Variants in PIP4P1 observed in about 807,000 individuals in gnomAD.
PIP4P1 encodes the protein phosphatidylinositol-4,5-bisphosphate 4-phosphatase 1.
A neutral mutation model predicts 32.3 loss-of-function variants in PIP4P1; 14 were observed. The observed-to-expected ratio is 0.43, with a 90% CI of 0.29 to 0.68. The LOEUF is 0.68. PIP4P1 is among the 30% of genes least tolerant of loss of function. PIP4P1 has a pLI of 0.15. For synonymous variants in PIP4P1, 132 were observed against 137.9 expected (o/e 0.96, Z 0.30); for missense variants, 289 against 364.5 (o/e 0.79, Z 1.69).
At chr14:20,460,102 C>G in intron 3 of PIP4P1, 90 bp downstream of exon 3, 1 of 957,932 alleles carries the variant, frequency 1.0e-6, no homozygotes, top group Non-Finnish European at 1.7e-6. Flanking sequence ...AAACACTAGG[C>G]TCTCTCACCT....
At chr14:20,458,863 G>A (rs1594418106) in intron 6 of PIP4P1, 161 bp from the exon 7 acceptor site, 1 of 858,092 alleles carries the variant, frequency 1.2e-6, no homozygotes, top group East Asian at 2.7e-5. Flanking sequence ...GAGCTGATCA[G>A]CTTCCTTCCC....
chr14:20,461,007 G>C, intron 1 of PIP4P1, 162 bp from the exon 2 acceptor site: 1 of 1,245,564 alleles, frequency 8.0e-7, no homozygotes, highest in Non-Finnish European at 1.0e-6. Context: ...TCCGTCCCTA[G>C]GCTGTGGTCG....
At chr14:20,458,787 TA>T in intron 6 of PIP4P1, 85 bp from the exon 7 acceptor site, 1 of 1,503,392 alleles carries the variant, frequency 6.7e-7, no homozygotes, top group East Asian at 2.3e-5. Context: ...AGAACAGTAA[TA>T]ACTCACGCTT....
At position 20,459,737 on chromosome 14, in the gene PIP4P1, T is replaced by C. The variant is rs370486224; in HGVS notation, c.441-4A>G. ...CCCCAGGTTGATGATTCTTTTGCTA[T>C]ACAAAAGAAAAAGACTTGTATTTTC... On this transcript the variant is annotated splice_polypyrimidine_tract_variant and splice_region_variant and intron_variant, in intron 3 of 6. Transcript: ENST00000250489. 2.4e-5 allele frequency: 38 copies of C among 1,607,800 alleles called. No homozygotes were observed. The highest frequency in any genetic ancestry group is 2.9e-5 in the Non-Finnish European group (34 of 1,177,482).
In PIP4P1 at chr14:20,457,862, G is replaced by T; in HGVS notation, c.*697C>A. On this transcript the variant is annotated 3_prime_UTR_variant, in exon 7 of 7. Coordinates refer to ENST00000250489, the MANE Select transcript of PIP4P1 (RefSeq NM_144568.4). ...AAGTTAACAACTGAAAAAGCGTAGA[G>T]TCATGACCTTATTTATTTACAAGCA... The T allele has an allele frequency of 2.7e-6, 1 of 370,052 alleles. No homozygotes were observed. Among genetic ancestry groups the T allele is most frequent in the Non-Finnish European group, 5.1e-6 (1 of 194,518 alleles). The allele number at this position is 370,052 out of a possible 1,614,324, so 22.9% of individuals were successfully genotyped here.
Position 20,461,177 on chromosome 14 carries a change from T to C in PIP4P1, c.142+7A>G, listed in dbSNP as rs779811266. 3.3e-5 allele frequency: 41 copies of C among 1,261,432 alleles called. No homozygotes were observed. Among genetic ancestry groups the C allele is most frequent in the African/African-American group, 3.1e-5 (2 of 64,452 alleles). The allele number at this position is 1,261,432 out of a possible 1,614,324, so 78.1% of individuals were successfully genotyped here. A position where few individuals can be genotyped will look rare whatever the true frequency, so the allele number is the denominator to read the frequency against. ...CCCCGGCTTACCCTGGGGCGGGGCA[T>C]GTTTACCGGCTCCGTACGGTGGTGC... is the stretch of plus-strand genomic sequence containing the variant. On this transcript the variant is annotated splice_region_variant and intron_variant, in intron 1 of 6. Transcript: ENST00000250489.
At position 20,460,858 on chromosome 14, in the gene PIP4P1, C is replaced by T. The variant is rs771803476; in HGVS notation, c.143-13G>A. 4 of 1,537,806 alleles carry T rather than the reference C, an allele frequency of 2.6e-6. No individual in the cohort carries two copies. In the Admixed American group the frequency reaches 6.3e-5, roughly 24 times the overall value. On this transcript the variant is annotated splice_polypyrimidine_tract_variant and intron_variant, in intron 1 of 6. Coordinates refer to ENST00000250489, the MANE Select transcript of PIP4P1 (RefSeq NM_144568.4). The stretch of plus-strand genomic sequence containing the variant: ...AACGGGGGAAATGCTGGAGAGGAAG[C>T]AAATAGAAGGGCTGGGATCACTTAC...
Position 20,457,750 on chromosome 14 carries a change from TA to T in PIP4P1, c.*808del. ...TTTGTTTGAATTATCCACATGAAAATAAAGAGCCATAGTTTCAGCCTTGCTG... is the reference window on the plus strand; with the variant it reads ...TTTGTTTGAATTATCCACATGAAAATAAGAGCCATAGTTTCAGCCTTGCTG... On this transcript the variant is annotated 3_prime_UTR_variant, in exon 7 of 7. Coordinates refer to ENST00000250489, the MANE Select transcript of PIP4P1 (RefSeq NM_144568.4). 1 of 569,662 alleles carries T rather than the reference TA, an allele frequency of 1.8e-6. No homozygotes were observed. The highest frequency in any genetic ancestry group is 3.1e-6 in the Non-Finnish European group (1 of 325,268). The allele number at this position is 569,662 out of a possible 1,614,324, so 35.3% of individuals were successfully genotyped here.
chr14:20,459,757 A>C, intron 3 of PIP4P1, 24 bp from the exon 4 acceptor site: 1 of 1,599,230 alleles, frequency 6.3e-7, no homozygotes. Flanking sequence ...AAAGACTTGT[A>C]TTTTCAAACT....
chr14:20,461,432 C>T lies in PIP4P1; in HGVS notation c.-107G>A, dbSNP rs985068529. The T allele has an allele frequency of 2.4e-5, 28 of 1,146,142 alleles. No individual in the cohort carries two copies. The Admixed American group carries it at 9.0e-4, about 37-fold the overall frequency. 71.0% of individuals were successfully genotyped at this position (1,146,142 alleles called of 1,614,324 possible). On this transcript the variant is annotated 5_prime_UTR_variant, in exon 1 of 7. Transcript: ENST00000250489. ...CCACCGCCACCGCCGCTACCGGGTC[C>T]CCAGGGCGCCTGCGCGCCGCGCGCC...
At position 20,458,030 on chromosome 14, in the gene PIP4P1, T is replaced by C. The variant is rs1566516332; in HGVS notation, c.*529A>G. ...GGGAACATATCCCACATTAAATAGT[T>C]ATATACACATCAGTTCCTGTGGTTC... On this transcript the variant is annotated 3_prime_UTR_variant, in exon 7 of 7. Transcript: ENST00000250489. 3.0e-6 allele frequency: 1 copy of C among 334,576 alleles called. No individual in the cohort carries two copies. Among genetic ancestry groups the C allele is most frequent in the Non-Finnish European group, 5.8e-6 (1 of 171,322 alleles). 20.7% of individuals were successfully genotyped at this position (334,576 alleles called of 1,614,324 possible).
In PIP4P1 at chr14:20,461,341, C is replaced by T; in HGVS notation, c.-16G>A. ...CTGCCGCCATGGCCGCCACCGCCGCCTCCCGCTCAGGTCGGCGATCCGGCT... is the reference window on the plus strand; with the variant it reads ...CTGCCGCCATGGCCGCCACCGCCGCTTCCCGCTCAGGTCGGCGATCCGGCT... On this transcript the variant is annotated 5_prime_UTR_variant, in exon 1 of 7. Coordinates refer to ENST00000250489, the MANE Select transcript of PIP4P1 (RefSeq NM_144568.4). The T allele has an allele frequency of 7.8e-7, 1 of 1,278,368 alleles. No homozygotes were observed. Among genetic ancestry groups the T allele is most frequent in the Non-Finnish European group, 9.9e-7 (1 of 1,013,250 alleles). 79.2% of individuals were successfully genotyped at this position (1,278,368 alleles called of 1,614,324 possible). A position where few individuals can be genotyped will look rare whatever the true frequency, so the allele number is the denominator to read the frequency against.
Position 20,461,394 on chromosome 14 carries a change from A to G in PIP4P1, c.-69T>C, listed in dbSNP as rs1213387263. 6.5e-6 allele frequency: 8 copies of G among 1,227,610 alleles called. No individual in the cohort carries two copies. The South Asian group carries it at 1.6e-4, about 24-fold the overall frequency. 76.0% of individuals were successfully genotyped at this position (1,227,610 alleles called of 1,614,324 possible). ...CTTCGCCTCTGCCGTCGCCGCAGCC[A>G]CCGCCACCGCCGCCACCGCCACCGC... On this transcript the variant is annotated 5_prime_UTR_variant, in exon 1 of 7. Transcript: ENST00000250489.
Position 20,460,814 on chromosome 14 carries a change from G to A in PIP4P1, c.174C>T (p.Ala58=). 2.5e-6 allele frequency: 4 copies of A among 1,573,926 alleles called. No individual in the cohort carries two copies. Among genetic ancestry groups the A allele is most frequent in the South Asian group, 2.4e-5 (2 of 85,006 alleles). ...AFPPFPEGHP[A]VLPGEDPPPY... is the part of the protein sequence containing the mutation. The stretch of plus-strand genomic sequence containing the variant: ...GGGGTGGGTCCTCCCCAGGCAACAC[G>A]GCTGGATGCCCCTCGGGAAACGGGG... Residue 58 remains alanine (A), a synonymous_variant, in exon 2 of 7, where the codon GCC becomes GCT. Transcript: ENST00000250489.
In PIP4P1 at chr14:20,458,482, TTAAC is replaced by T. The variant is rs1292501885; in HGVS notation, c.*73_*76del. The T allele has an allele frequency of 1.9e-6, 3 of 1,599,698 alleles. No individual in the cohort carries two copies. The African/African-American group carries it at 4.0e-5, about 21-fold the overall frequency. ...TTCCTTCTAGAAGCCCCGGGAGCCTTTAACTACCCCAGCTCCCTTCGTAGTGTCA... is the reference window on the plus strand; with the variant it reads ...TTCCTTCTAGAAGCCCCGGGAGCCTTTACCCCAGCTCCCTTCGTAGTGTCA... On this transcript the variant is annotated 3_prime_UTR_variant, in exon 7 of 7. Transcript: ENST00000250489.
chr14:20,458,467 A>G lies in PIP4P1; in HGVS notation c.*92T>C. ...AGGCAGCTGCTTGGCTTCCTTCTAG[A>G]AGCCCCGGGAGCCTTTAACTACCCC... is the stretch of plus-strand genomic sequence containing the variant. On this transcript the variant is annotated 3_prime_UTR_variant, in exon 7 of 7. Transcript: ENST00000250489. 1 of 1,581,074 alleles carries G rather than the reference A, an allele frequency of 6.3e-7. No homozygotes were observed. Among genetic ancestry groups the G allele is most frequent in the Non-Finnish European group, 8.6e-7 (1 of 1,160,168 alleles).
At chr14:20,459,139 G>T in intron 6 of PIP4P1, 67 bp downstream of exon 6, 1 of 1,533,074 alleles carries the variant, frequency 6.5e-7, no homozygotes, top group Non-Finnish European at 8.9e-7. Flanking sequence ...TAGGGTAGCA[G>T]TTTCCCAAAT....
intron 2 of PIP4P1, 34 bp from the exon 3 acceptor site, chr14:20,460,332 T>G (rs1566518415): frequency 6.7e-7 from 1 of 1,503,608 alleles, no homozygotes; most frequent in East Asian, 2.3e-5. Context: ...CAAGCAAACC[T>G]CTAATCCCAA....
chr14:20,458,554 C>T lies in PIP4P1; in HGVS notation c.*5G>A. The T allele has an allele frequency of 6.2e-7, 1 of 1,612,826 alleles. No homozygotes were observed. Among genetic ancestry groups the T allele is most frequent in the Non-Finnish European group, 8.5e-7 (1 of 1,179,266 alleles). On this transcript the variant is annotated 3_prime_UTR_variant, in exon 7 of 7. Coordinates refer to ENST00000250489, the MANE Select transcript of PIP4P1 (RefSeq NM_144568.4). ...GGGCCAGGCACAGTCTGTGGGTCAT[C>T]AGGCTCAGGAGAAGTTCTGGACAGG... is the stretch of plus-strand genomic sequence containing the variant.
Sources: allele counts gnomAD v4.1 joint callset, GRCh38; gene constraint gnomAD v4.1.1; transcripts MANE v1.5; gene names NCBI Gene and HGNC (gene_info 2026-07-23, HGNC 2026-07-21).